The following ZNF860 variants were observed in gnomAD, a reference collection of about 807,000 sequenced individuals.
The protein encoded by ZNF860 is zinc finger protein 860.
For synonymous variants in ZNF860, 206 were observed against 248.9 expected (o/e 0.83, Z 1.62); for missense variants, 641 against 759.2 (o/e 0.84, Z 1.83).
the ZNF860 span, among the ~76,000 whole-genome samples, chr3:32,000,325 C>T: frequency 6.6e-6 from 1 of 152,166 alleles, no homozygotes; most frequent in Non-Finnish European, 1.5e-5. Context: ...AATACGGGCT[C>T]AAAGACCAAA....
chr3:31,984,926 G>A (rs1010570042), intron 1 of ZNF860, among the ~76,000 whole-genome samples: 6 of 152,256 alleles, frequency 3.9e-5, no homozygotes, highest in African/African-American at 1.4e-4. Flanking sequence ...TTTTGCAAAG[G>A]CACTTTCGGT....
intron 1 of ZNF860, among the ~76,000 whole-genome samples, chr3:31,984,838 C>T (rs956299612): frequency 6.6e-6 from 1 of 152,178 alleles, no homozygotes; most frequent in African/African-American, 2.4e-5. Flanking sequence ...GTGGCCTGTG[C>T]CCGGGAATGA....
chr3:31,989,658 A>C lies in ZNF860; in HGVS notation c.579A>C (p.Gln193His). The C allele has an allele frequency of 2.5e-6, 4 of 1,614,150 alleles. No individual in the cohort carries two copies. Among genetic ancestry groups the C allele is most frequent in the Non-Finnish European group, 3.4e-6 (4 of 1,180,026 alleles). Reference sequence around the variant, plus strand: ...ATGCTTCCTCAGTTCTAACGTCCCAAAGAATTTCTTCTAGGCCCAAAATCC... The same window carrying C: ...ATGCTTCCTCAGTTCTAACGTCCCACAGAATTTCTTCTAGGCCCAAAATCC... ...INDASSVLTS[Q>H]RISSRPKIHI... is the part of the protein sequence containing the mutation. The change falls in exon 2 of 2, where the codon CAA (glutamine) becomes CAC (histidine). Residue 193 changes from glutamine to histidine, a missense_variant. Transcript: ENST00000360311.
Position 31,988,913 on chromosome 3 carries a change from T to C in ZNF860, c.-167T>C, listed in dbSNP as rs1698981949. Reference sequence around the variant, plus strand: ...CTGAGCCAGGAACACCCAGCTGAAGTGCCTCCAAACCCCGACCCACAGCGA... The same window carrying C: ...CTGAGCCAGGAACACCCAGCTGAAGCGCCTCCAAACCCCGACCCACAGCGA... On this transcript the variant is annotated 5_prime_UTR_variant, in exon 2 of 2. Coordinates refer to ENST00000360311, the MANE Select transcript of ZNF860 (RefSeq NM_001137674.3). The C allele has an allele frequency of 1.2e-6, 1 of 811,188 alleles. No homozygotes were observed. Among genetic ancestry groups the C allele is most frequent in the Admixed American group, 2.8e-5 (1 of 35,282 alleles). 50.2% of individuals were successfully genotyped at this position (811,188 alleles called of 1,614,324 possible).
rs781574347 is a variant in ZNF860 at position 31,990,987 on chromosome 3, C to G, written c.*9C>G. ...GCAAGGTCTTCAGTTAGAGGTCACTCCTTGCAAAACATCAGAAAATTCATT... is the reference window on the plus strand; with the variant it reads ...GCAAGGTCTTCAGTTAGAGGTCACTGCTTGCAAAACATCAGAAAATTCATT... On this transcript the variant is annotated 3_prime_UTR_variant, in exon 2 of 2. Coordinates refer to ENST00000360311, the MANE Select transcript of ZNF860 (RefSeq NM_001137674.3). 4 of 1,555,132 alleles carry G rather than the reference C, an allele frequency of 2.6e-6. No homozygotes were observed. Among genetic ancestry groups the G allele is most frequent in the Non-Finnish European group, 3.5e-6 (4 of 1,152,930 alleles).
chr3:31,989,132 C>T lies in ZNF860; in HGVS notation c.53C>T (p.Ala18Val). 1.2e-6 allele frequency: 2 copies of T among 1,614,168 alleles called. No homozygotes were observed. The highest frequency in any genetic ancestry group is 1.7e-6 in the Non-Finnish European group (2 of 1,180,036). Residue 18 changes from alanine (A) to valine (V), a missense_variant, in exon 2 of 2, where the codon GCT (alanine) becomes GTT (valine). Transcript: ENST00000360311. The stretch of plus-strand genomic sequence containing the variant: ...AGGAAAGAAAAGGAGCCAGGCATGG[C>T]TCTTCCTCAGGGACACTTGACTTTT... ...QKRKEKEPGM[A>V]LPQGHLTFRD...
chr3:31,985,154 G>A (rs1200439468), intron 1 of ZNF860, among the ~76,000 whole-genome samples: 3 of 152,162 alleles, frequency 2.0e-5, no homozygotes, highest in African/African-American at 4.8e-5. Flanking sequence ...CAGGAAAATC[G>A]CTTGAACCCA....
At chr3:31,998,306 C>T in the ZNF860 span, among the ~76,000 whole-genome samples, 2 of 152,108 alleles carry the variant, frequency 1.3e-5, no homozygotes, top group Non-Finnish European at 2.9e-5. Context: ...AAAGTATACT[C>T]CCCATCAGCA....
downstream of ZNF860, among the ~76,000 whole-genome samples, chr3:31,992,009 A>G (rs1699037111): frequency 6.6e-6 from 1 of 151,986 alleles, no homozygotes; most frequent in Admixed American, 6.6e-5. Context: ...AGCCAGGCGT[A>G]GTGGCACGCA....
At chr3:32,000,275 T>A in the ZNF860 span, among the ~76,000 whole-genome samples, 1 of 152,162 alleles carries the variant, frequency 6.6e-6, no homozygotes, top group Non-Finnish European at 1.5e-5. Flanking sequence ...GCACTCTAGA[T>A]AAAGGAGAAA....
the ZNF860 span, among the ~76,000 whole-genome samples, chr3:32,003,410 G>A: frequency 1.0e-3 from 157 of 152,296 alleles, no homozygotes; most frequent in African/African-American, 3.7e-3. Flanking sequence ...ATCCCTGTGT[G>A]GAAAGTGGAG....
chr3:31,989,269 GAT>G lies in ZNF860; in HGVS notation c.193_194del (p.Ile65LeufsTer28), dbSNP rs781420509. ...GAACTACAGGAACCTGCATTCTGTG[GAT>G]ATCTCTTCCAAATGCATGATGAAGA... ...LENYRNLHSV[D>X]ISSKCMMKKF... On this transcript the variant is annotated frameshift_variant, in exon 2 of 2. Transcript: ENST00000360311. LOFTEE classifies it low-confidence loss of function (END_TRUNC). 8 of 1,614,028 alleles carry G rather than the reference GAT, an allele frequency of 5.0e-6. No individual in the cohort carries two copies. The African/African-American group carries it at 1.1e-4, about 22-fold the overall frequency.
chr3:31,996,877 A>G, the ZNF860 span, among the ~76,000 whole-genome samples: 1 of 152,188 alleles, frequency 6.6e-6, no homozygotes, highest in Non-Finnish European at 1.5e-5. Context: ...ACTCCATTCA[A>G]TATGGTATGT....
At chr3:31,998,859 G>T in the ZNF860 span, among the ~76,000 whole-genome samples, 3 of 152,192 alleles carry the variant, frequency 2.0e-5, no homozygotes, top group Non-Finnish European at 4.4e-5. Flanking sequence ...AACTAAAACA[G>T]TTCTTTTTCA....
At chr3:31,987,951 T>C (rs1021045039) in intron 1 of ZNF860, among the ~76,000 whole-genome samples, 1 of 152,144 alleles carries the variant, frequency 6.6e-6, no homozygotes, top group African/African-American at 2.4e-5. Flanking sequence ...AGCAAACACA[T>C]ATTGCCTTTT....
At chr3:31,985,608 G>A (rs931706006) in intron 1 of ZNF860, among the ~76,000 whole-genome samples, 2 of 152,178 alleles carry the variant, frequency 1.3e-5, no homozygotes, top group Non-Finnish European at 1.5e-5. Flanking sequence ...TCATGGACCA[G>A]CAAGTAAGTG....
the ZNF860 span, among the ~76,000 whole-genome samples, chr3:31,999,422 A>C: frequency 2.1e-5 from 3 of 143,898 alleles, no homozygotes; most frequent in Non-Finnish European, 4.5e-5. Flanking sequence ...GTACAATGGC[A>C]CAATCTCGGC....
chr3:31,989,631 C>T lies in ZNF860; in HGVS notation c.552C>T (p.Asn184=), dbSNP rs201604355. 4.4e-3 allele frequency: 7,119 copies of T among 1,614,170 alleles called. 18 individuals are homozygous for T. Among genetic ancestry groups the T allele is most frequent in the Non-Finnish European group, 5.5e-3 (6,464 of 1,180,016 alleles). Residue 184 remains asparagine (N), a synonymous_variant, in exon 2 of 2, where the codon AAC becomes AAT. Coordinates refer to ENST00000360311, the MANE Select transcript of ZNF860 (RefSeq NM_001137674.3). The part of the protein sequence containing the change: ...KVGNQVEKSI[N]DASSVLTSQR... ...GTAATCAAGTTGAGAAGTCTATCAA[C>T]GATGCTTCCTCAGTTCTAACGTCCC...
chr3:31,992,017 G>A (rs62244401), downstream of ZNF860, among the ~76,000 whole-genome samples: 10,596 of 151,918 alleles, frequency 0.07, 645 homozygotes, highest in East Asian at 0.32. Context: ...GTAGTGGCAC[G>A]CACCAGTAGT....
Sources: allele counts gnomAD v4.1 joint callset (sites outside exome capture counted in the v4.1 genomes callset), GRCh38; gene constraint gnomAD v4.1.1; transcripts MANE v1.5; gene names NCBI Gene and HGNC (gene_info 2026-07-23, HGNC 2026-07-21).